Variants in LAMA1 observed in about 807,000 individuals in gnomAD.
The protein encoded by LAMA1 is laminin subunit alpha 1.
A neutral mutation model predicts 348.7 loss-of-function variants in LAMA1; 219 were observed. That is an observed-to-expected ratio of 0.63 (90% CI 0.56 to 0.70). The LOEUF is 0.70. Ranked by LOEUF, LAMA1 falls within the 30% of genes least tolerant of loss-of-function variation. The probability of loss-of-function intolerance (pLI) is 0.00; values close to 1 mark genes in which losing one functional copy is unlikely to be tolerated. For synonymous variants in LAMA1, 1,487 were observed against 1,491.0 expected, an observed-to-expected ratio of 1.00 and a Z score of 0.06; for missense variants, 3,744 against 3,888.0, an observed-to-expected ratio of 0.96 and a Z score of 0.99.
intron 16 of LAMA1, among the ~76,000 whole-genome samples, chr18:7,029,559 C>A (rs976585606): frequency 1.3e-5 from 2 of 152,176 alleles, no homozygotes; most frequent in African/African-American, 2.4e-5. Flanking sequence ...GAAAAACCCA[C>A]TGAGGGTCTG....
chr18:6,975,029 A>G lies in LAMA1; in HGVS notation c.6497T>C (p.Phe2166Ser). ...FYLGSSTASD[F>S]LAVEMRRGRV... ...CCCTCGCCGCATCTCCACTGCAAGG[A>G]AATCAGACTGGGGGGCGAGGAATGA... Residue 2166 changes from phenylalanine to serine, a missense_variant, in exon 46 of 63, where the codon TTC becomes TCC. Around this residue, in one of 3 missense-constraint regions of LAMA1, gnomAD observed 1,983 missense variants for 1,934.3 expected, o/e 1.03. Coordinates refer to ENST00000389658, the MANE Select transcript of LAMA1 (RefSeq NM_005559.4). 1 of 1,613,932 alleles carries G rather than the reference A, an allele frequency of 6.2e-7. No individual in the cohort carries two copies. Among genetic ancestry groups the G allele is most frequent in the African/African-American group, 1.3e-5 (1 of 75,046 alleles).
chr18:6,948,114 G>A (rs2057530318), intron 60 of LAMA1, among the ~76,000 whole-genome samples: 2 of 152,228 alleles, frequency 1.3e-5, no homozygotes, highest in South Asian at 2.1e-4. Context: ...TGGACAGTAA[G>A]TGTGCATTAC....
At chr18:7,094,294 A>G (rs971864486) in intron 1 of LAMA1, among the ~76,000 whole-genome samples, 3 of 151,702 alleles carry the variant, frequency 2.0e-5, no homozygotes, top group East Asian at 3.9e-4. Flanking sequence ...CGTGGTGGCA[A>G]GCACCTGTAG....
intron 16 of LAMA1, among the ~76,000 whole-genome samples, chr18:7,029,105 C>T (rs2057957247): frequency 6.6e-6 from 1 of 152,160 alleles, no homozygotes; most frequent in Admixed American, 6.5e-5. Flanking sequence ...CCATTTTACT[C>T]CAGGGTTTCA....
intron 33 of LAMA1, among the ~76,000 whole-genome samples, chr18:6,997,309 G>A (rs529212029): frequency 4.9e-4 from 75 of 152,302 alleles, no homozygotes; most frequent in East Asian, 3.9e-4. Flanking sequence ...TGATCCACCC[G>A]CCTTGGCCCC....
intron 6 of LAMA1, among the ~76,000 whole-genome samples, chr18:7,045,520 T>C (rs2058038309): frequency 1.3e-5 from 2 of 152,300 alleles, no homozygotes; most frequent in South Asian, 2.1e-4. Flanking sequence ...ATATTATTCA[T>C]TTAATGTAAT....
chr18:7,003,278 T>G (rs1555651074), intron 29 of LAMA1, among the ~76,000 whole-genome samples: 1 of 149,014 alleles, frequency 6.7e-6, no homozygotes, highest in Non-Finnish European at 1.5e-5. Context: ...TGAGACAGAG[T>G]CTCGCTCTGT....
At chr18:6,962,151 G>A (rs2057611172) in intron 51 of LAMA1, 92 bp from the exon 52 acceptor site, 1 of 851,992 alleles carries the variant, frequency 1.2e-6, no homozygotes, top group South Asian at 1.3e-5. Flanking sequence ...GCAAGGCACA[G>A]TGGCTTATGC....
At chr18:7,034,716 A>G (rs1598290780) in intron 13 of LAMA1, 26 bp from the exon 14 acceptor site, 1 of 1,578,980 alleles carries the variant, frequency 6.3e-7, no homozygotes, top group African/African-American at 1.3e-5. Flanking sequence ...AAGAGAAAAT[A>G]TATTTGTCAT....
intron 16 of LAMA1, among the ~76,000 whole-genome samples, chr18:7,027,216 A>T (rs1342397357): frequency 3.3e-5 from 5 of 152,186 alleles, no homozygotes; most frequent in South Asian, 2.1e-4. Flanking sequence ...TACCAGCGTT[A>T]CATTGACTTA....
At chr18:7,062,119 A>G (rs1203036058) in intron 3 of LAMA1, among the ~76,000 whole-genome samples, 1 of 152,228 alleles carries the variant, frequency 6.6e-6, no homozygotes, top group Non-Finnish European at 1.5e-5. Flanking sequence ...GCCAGGTGCC[A>G]CAAATATGGC....
At chr18:7,062,418 C>T (rs901046370) in intron 3 of LAMA1, among the ~76,000 whole-genome samples, 3 of 152,132 alleles carry the variant, frequency 2.0e-5, no homozygotes, top group African/African-American at 4.8e-5. Flanking sequence ...AGGAGAGAGC[C>T]GGCGGGCGCC....
intron 3 of LAMA1, among the ~76,000 whole-genome samples, chr18:7,058,091 C>T (rs375425729): frequency 4.6e-5 from 7 of 152,004 alleles, no homozygotes; most frequent in Non-Finnish European, 7.4e-5. Flanking sequence ...CATGAGCCTC[C>T]GCGCCTGGCC....
At position 6,999,694 on chromosome 18, in the gene LAMA1, T is replaced by C. The variant is rs190513897; in HGVS notation, c.4470-56A>G. ...AGGATGGTCAATACCAGCTTCTAACTTGCGACAGTAATCATTTCCGCCAAA... is the reference window on the plus strand; with the variant it reads ...AGGATGGTCAATACCAGCTTCTAACCTGCGACAGTAATCATTTCCGCCAAA... On this transcript the variant is annotated intron_variant, in intron 31 of 62. Transcript: ENST00000389658. 1.5e-5 allele frequency: 22 copies of C among 1,451,328 alleles called. No individual in the cohort carries two copies. The East Asian group carries it at 5.3e-4, about 35-fold the overall frequency. The allele number at this position is 1,451,328 out of a possible 1,614,324, so 89.9% of individuals were successfully genotyped here. A position where few individuals can be genotyped will look rare whatever the true frequency, so the allele number is the denominator to read the frequency against.
intron 1 of LAMA1, among the ~76,000 whole-genome samples, chr18:7,097,889 A>G (rs2058268993): frequency 7.1e-6 from 1 of 141,458 alleles, no homozygotes; most frequent in Non-Finnish European, 1.6e-5. Context: ...CTCTCTTTCC[A>G]CGGTCTCCCT....
At chr18:6,980,981 T>C (rs1183680275) in intron 41 of LAMA1, among the ~76,000 whole-genome samples, 2 of 151,880 alleles carry the variant, frequency 1.3e-5, no homozygotes, top group Non-Finnish European at 2.9e-5. Flanking sequence ...TGGGCGCCTG[T>C]AGTCCCAGCT....
intron 3 of LAMA1, chr18:7,077,023 T>C (rs891660601): frequency 1.3e-5 from 2 of 152,134 alleles, no homozygotes; most frequent in Admixed American, 1.3e-4. Flanking sequence ...ATAAGCATAA[T>C]GTGCTTTGTT....
intron 37 of LAMA1, 87 bp from the exon 38 acceptor site, chr18:6,985,730 G>C (rs617659): frequency 0.5 from 415,240 of 825,392 alleles, 107,831 homozygotes; most frequent in East Asian, 0.72. Flanking sequence ...GCAGAAGTTA[G>C]TGCATGGGAC....
intron 48 of LAMA1, among the ~76,000 whole-genome samples, chr18:6,970,050 A>T (rs561235631): frequency 1.3e-5 from 2 of 152,004 alleles, no homozygotes; most frequent in African/African-American, 2.4e-5. Context: ...GGGTCAGTGG[A>T]GGGGATAGAG....
Sources: allele counts gnomAD v4.1 joint callset (sites outside exome capture counted in the v4.1 genomes callset), GRCh38; gene constraint gnomAD v4.1.1; regional missense constraint gnomAD v4.1.1; transcripts MANE v1.5; gene names NCBI Gene and HGNC (gene_info 2026-07-23, HGNC 2026-07-21).